IHO1: variants seen among roughly 807,000 people sequenced by gnomAD.
IHO1 encodes interactor of HORMAD1 protein 1.
Under a neutral mutation model 31.0 loss-of-function variants are expected in IHO1, and 13 were observed. The observed-to-expected ratio is 0.42, with a 90% CI of 0.27 to 0.67. The LOEUF (loss-of-function observed/expected upper bound fraction) is 0.67, where lower values mean the gene tolerates loss of function less well. Among genes scored for constraint, IHO1 ranks in the 30% least tolerant of loss-of-function variants. The pLI, the probability that IHO1 is intolerant of heterozygous loss-of-function variation, is 0.24. For missense variants in IHO1, 599 were observed against 687.5 expected (o/e 0.87, Z 1.44); for synonymous variants, 221 against 248.4 (o/e 0.89, Z 1.04).
At chr3:49,191,881 AG>A in the IHO1 span, 1 of 1,000,370 alleles carries the variant, frequency 1.0e-6, no homozygotes, top group African/African-American at 1.6e-5. Context: ...TGACAAGGGA[AG>A]GTTGTGACTG....
At chr3:49,191,828 T>C in the IHO1 span, 1 of 1,512,400 alleles carries the variant, frequency 6.6e-7, no homozygotes, top group African/African-American at 1.4e-5. Flanking sequence ...GGAGGGTATC[T>C]TCAGGAAAGA....
At chr3:49,231,536 A>G (rs2046482029) in intron 2 of IHO1, among the ~76,000 whole-genome samples, 1 of 152,206 alleles carries the variant, frequency 6.6e-6, no homozygotes, top group Non-Finnish European at 1.5e-5. Flanking sequence ...TGATATGCCT[A>G]TTAATGTGAT....
chr3:49,223,219 G>A (rs1192080087), intron 2 of IHO1, among the ~76,000 whole-genome samples: 2 of 152,166 alleles, frequency 1.3e-5, no homozygotes, highest in East Asian at 3.8e-4. Flanking sequence ...TTCTTAACAA[G>A]GCCATGGGCA....
chr3:49,242,370 G>A (rs961623873), intron 4 of IHO1, among the ~76,000 whole-genome samples: 6 of 151,292 alleles, frequency 4.0e-5, no homozygotes, highest in African/African-American at 7.3e-5. Context: ...TCAAGCAGTC[G>A]TCCCACCTCG....
At chr3:49,231,273 T>C (rs2046478922) in intron 2 of IHO1, among the ~76,000 whole-genome samples, 2 of 152,252 alleles carry the variant, frequency 1.3e-5, no homozygotes, top group Admixed American at 6.5e-5. Flanking sequence ...CAAACCCATT[T>C]AGCTGACTTT....
chr3:49,253,151 C>T (rs1262533903), intron 6 of IHO1, among the ~76,000 whole-genome samples: 1 of 152,096 alleles, frequency 6.6e-6, no homozygotes, highest in Non-Finnish European at 1.5e-5. Context: ...TTCGGCCAGG[C>T]ATGGTGGCTT....
chr3:49,254,291 T>C (rs2046797641), intron 6 of IHO1, among the ~76,000 whole-genome samples: 1 of 148,932 alleles, frequency 6.7e-6, no homozygotes, highest in Non-Finnish European at 1.5e-5. Flanking sequence ...ATTAAATAAA[T>C]GTGTGTGTGT....
intron 1 of IHO1, among the ~76,000 whole-genome samples, chr3:49,205,374 C>T (rs1361929654): frequency 2.7e-5 from 4 of 150,264 alleles, no homozygotes; most frequent in Non-Finnish European, 5.9e-5. Flanking sequence ...GCTGGAGTGC[C>T]GTGGTACAAT....
chr3:49,193,265 G>A, the IHO1 span, among the ~76,000 whole-genome samples: 1 of 151,680 alleles, frequency 6.6e-6, no homozygotes, highest in African/African-American at 2.4e-5. Flanking sequence ...CCAGCTACTT[G>A]GGAGGCTGAG....
At chr3:49,219,551 C>T (rs1306979556) in intron 2 of IHO1, among the ~76,000 whole-genome samples, 2 of 152,094 alleles carry the variant, frequency 1.3e-5, no homozygotes, top group Non-Finnish European at 2.9e-5. Context: ...GCTGTGAGTC[C>T]CCTGATTTCC....
intron 2 of IHO1, among the ~76,000 whole-genome samples, chr3:49,225,185 G>C (rs780559096): frequency 6.6e-6 from 1 of 152,200 alleles, no homozygotes; most frequent in Admixed American, 6.5e-5. Flanking sequence ...AGAAGTTTTG[G>C]CTGGGCGCAG....
upstream of IHO1, among the ~76,000 whole-genome samples, chr3:49,197,807 G>C (rs1434889832): frequency 6.6e-6 from 1 of 151,914 alleles, no homozygotes; most frequent in African/African-American, 2.4e-5. Flanking sequence ...CTCAGAGGTG[G>C]AGGTTGTGGT....
intron 1 of IHO1, among the ~76,000 whole-genome samples, chr3:49,207,238 T>C (rs2046150249): frequency 6.6e-6 from 1 of 151,700 alleles, no homozygotes; most frequent in Non-Finnish European, 1.5e-5. Flanking sequence ...CATTTTTTTC[T>C]TTCTGGTGAG....
chr3:49,242,793 G>A (rs1329810887), intron 4 of IHO1, among the ~76,000 whole-genome samples: 1 of 152,028 alleles, frequency 6.6e-6, no homozygotes, highest in African/African-American at 2.4e-5. Context: ...AGACAAGAGT[G>A]AAACTCCATC....
chr3:49,200,037 G>A (rs991561531), intron 1 of IHO1, among the ~76,000 whole-genome samples: 6 of 152,236 alleles, frequency 3.9e-5, no homozygotes, highest in African/African-American at 1.4e-4. Context: ...AAATGAGAGA[G>A]GCGGCCGGCC....
intron 2 of IHO1, among the ~76,000 whole-genome samples, chr3:49,226,116 G>A (rs1211707842): frequency 1.3e-5 from 2 of 152,150 alleles, no homozygotes; most frequent in African/African-American, 4.8e-5. Context: ...CCAGGTAATT[G>A]GCATGCTCCA....
chr3:49,254,793 G>A lies in IHO1; in HGVS notation c.533-597G>A, dbSNP rs575088517. 3.9e-5 allele frequency among the ~76,000 whole-genome samples: 6 copies of A among 152,320 alleles called. 1 individual carries two copies. Among genetic ancestry groups the A allele is most frequent in the African/African-American group, 1.4e-4 (6 of 41,576 alleles). Reference sequence around the variant, plus strand: ...CGAAAGTTTCAACGGGCTGGGCATGGTGGCTCACGCCTGTAATCCCAGCAC... The same window carrying A: ...CGAAAGTTTCAACGGGCTGGGCATGATGGCTCACGCCTGTAATCCCAGCAC... On this transcript the variant is annotated intron_variant, in intron 6 of 7. Coordinates refer to ENST00000452691, the MANE Select transcript of IHO1 (RefSeq NM_001135197.2).
At chr3:49,218,150 C>G (rs914033515) in intron 2 of IHO1, among the ~76,000 whole-genome samples, 2 of 152,118 alleles carry the variant, frequency 1.3e-5, no homozygotes, top group Non-Finnish European at 2.9e-5. Flanking sequence ...AGCTGCGCAG[C>G]TGGCTCTCCC....
chr3:49,198,919 C>G (rs886155265), upstream of IHO1: 8 of 152,792 alleles, frequency 5.2e-5, no homozygotes, highest in African/African-American at 1.9e-4. Context: ...CATCTGCCCA[C>G]GGCGCCTCTC....
Sources: allele counts gnomAD v4.1 joint callset (sites outside exome capture counted in the v4.1 genomes callset), GRCh38; gene constraint gnomAD v4.1.1; transcripts MANE v1.5; gene names NCBI Gene and HGNC (gene_info 2026-07-23, HGNC 2026-07-21).